ELOB: variants seen among roughly 807,000 people sequenced by gnomAD.
ELOB encodes the protein elongin-B.
Under a neutral mutation model 12.9 loss-of-function variants are expected in ELOB, and 3 were observed. The ratio of observed to expected loss-of-function variants is 0.23; its 90% confidence interval spans 0.11 to 0.60. The LOEUF is 0.60. ELOB is among the 20% of genes least tolerant of loss of function. The pLI is 0.89. For missense variants in ELOB, 126 were observed against 159.2 expected (o/e 0.79, Z 1.12); for synonymous variants, 84 against 67.4 (o/e 1.25, Z -1.21).
At position 2,771,982 on chromosome 16, in the gene ELOB, G is replaced by A. The variant is rs749340589; in HGVS notation, c.*8C>T. 1.3e-6 allele frequency: 2 copies of A among 1,544,484 alleles called. No individual in the cohort carries two copies. Among genetic ancestry groups the A allele is most frequent in the Admixed American group, 2.0e-5 (1 of 49,110 alleles). On this transcript the variant is annotated 3_prime_UTR_variant, in exon 4 of 4. Coordinates refer to ENST00000409906, the MANE Select transcript of ELOB (RefSeq NM_007108.4). The stretch of plus-strand genomic sequence containing the variant: ...TTTTATTGGGGGAAATGGGCCTCTT[G>A]GGGGTCCTCACTGCACGGCTTGTTC...
chr16:2,775,625 A>G (rs1399555086), intron 2 of ELOB, 69 bp from the exon 3 acceptor site: 1 of 1,286,350 alleles, frequency 7.8e-7, no homozygotes, highest in Admixed American at 2.0e-5. Flanking sequence ...CTGACCAGCA[A>G]CTACACGGGA....
chr16:2,775,297 C>G (rs1433039380), intron 3 of ELOB, among the ~76,000 whole-genome samples, 154 bp downstream of exon 3: 1 of 151,388 alleles, frequency 6.6e-6, no homozygotes, highest in East Asian at 1.9e-4. Flanking sequence ...AATGAGGAAA[C>G]AAACACATTG....
chr16:2,776,986 G>T lies in ELOB; in HGVS notation c.138+7C>A. The T allele has an allele frequency of 1.3e-6, 2 of 1,568,318 alleles. No individual in the cohort carries two copies. Among genetic ancestry groups the T allele is most frequent in the East Asian group, 2.3e-5 (1 of 42,578 alleles). On this transcript the variant is annotated splice_region_variant and intron_variant, in intron 2 of 3. Coordinates refer to ENST00000409906, the MANE Select transcript of ELOB (RefSeq NM_007108.4). ...CCCGCTCCCCTCGGCCCGCCCGCGG[G>T]ACCCACCTTGTACAGCCGCTGCTCG...
intron 2 of ELOB, 131 bp from the exon 3 acceptor site, chr16:2,775,687 C>T: frequency 3.3e-6 from 2 of 608,874 alleles, no homozygotes; most frequent in Non-Finnish European, 5.6e-6. Context: ...GACCACCACG[C>T]TGCTTGACAA....
chr16:2,773,008 C>T (rs1001265857), intron 3 of ELOB, among the ~76,000 whole-genome samples: 3 of 152,204 alleles, frequency 2.0e-5, no homozygotes, highest in Non-Finnish European at 2.9e-5. Context: ...GACATCCTGA[C>T]ACTCTGGGCG....
rs1394449862 is a variant in ELOB at position 2,771,592 on chromosome 16, G to C, written c.*398C>G. 6.2e-7 allele frequency: 1 copy of C among 1,614,066 alleles called. No individual in the cohort carries two copies. Among genetic ancestry groups the C allele is most frequent in the African/African-American group, 1.3e-5 (1 of 74,914 alleles). On this transcript the variant is annotated 3_prime_UTR_variant, in exon 4 of 4. Transcript: ENST00000409906. ...TTCTGCTCTTGGCCATCGTCTGGGA[G>C]TGGACATGCAGGCTATGGGGGTGGG...
At chr16:2,774,345 T>G (rs1431904103) in intron 3 of ELOB, among the ~76,000 whole-genome samples, 1 of 152,262 alleles carries the variant, frequency 6.6e-6, no homozygotes, top group Non-Finnish European at 1.5e-5. Context: ...AGAAAGGCTC[T>G]GAAGCTTCCC....
chr16:2,771,805 G>T lies in ELOB; in HGVS notation c.*185C>A. Reference sequence around the variant, plus strand: ...CATGGTGCCTTTAAGCAGCAGGCTGGGCCAAGTTCTCAGCCAGGGTCTCAG... The same window carrying T: ...CATGGTGCCTTTAAGCAGCAGGCTGTGCCAAGTTCTCAGCCAGGGTCTCAG... On this transcript the variant is annotated 3_prime_UTR_variant, in exon 4 of 4. Transcript: ENST00000409906. 6.9e-7 allele frequency: 1 copy of T among 1,452,266 alleles called. No individual in the cohort carries two copies. 90.0% of individuals were successfully genotyped at this position (1,452,266 alleles called of 1,614,324 possible). A position where few individuals can be genotyped will look rare whatever the true frequency, so the allele number is the denominator to read the frequency against.
At chr16:2,776,276 G>C (rs542995435) in intron 2 of ELOB, among the ~76,000 whole-genome samples, 1 of 152,290 alleles carries the variant, frequency 6.6e-6, no homozygotes, top group South Asian at 2.1e-4. Flanking sequence ...CATGGGAGCT[G>C]AGGCTCTGAG....
intron 2 of ELOB, 85 bp downstream of exon 2, chr16:2,776,908 A>C: frequency 6.9e-7 from 1 of 1,444,160 alleles, no homozygotes. Context: ...GCCGGCCGCT[A>C]CTGTTTACAT....
At chr16:2,773,368 G>A (rs1423938305) in intron 3 of ELOB, among the ~76,000 whole-genome samples, 1 of 152,164 alleles carries the variant, frequency 6.6e-6, no homozygotes, top group African/African-American at 2.4e-5. Context: ...ACTGTGCCGA[G>A]GTTCAGAAAC....
intron 3 of ELOB, among the ~76,000 whole-genome samples, chr16:2,774,629 C>G (rs1055021187): frequency 4.6e-5 from 7 of 152,270 alleles, no homozygotes; most frequent in African/African-American, 1.7e-4. Context: ...TTCCTTACAA[C>G]TTTATCCAAG....
At position 2,771,502 on chromosome 16, in the gene ELOB, G is replaced by A. The variant is rs376053410; in HGVS notation, c.*488C>T. 50 of 1,614,084 alleles carry A rather than the reference G, an allele frequency of 3.1e-5. 1 individual carries two copies. The South Asian group carries it at 3.4e-4, about 11-fold the overall frequency. Reference sequence around the variant, plus strand: ...GCCCCCAGCGTGGGTGGACCTGTGTGGGTCCGTCTTGGGGTTCCCTCGTTG... The same window carrying A: ...GCCCCCAGCGTGGGTGGACCTGTGTAGGTCCGTCTTGGGGTTCCCTCGTTG... On this transcript the variant is annotated 3_prime_UTR_variant, in exon 4 of 4. Coordinates refer to ENST00000409906, the MANE Select transcript of ELOB (RefSeq NM_007108.4).
rs1567257422 is a variant in ELOB, at chr16:2,775,606, CAA to C, written c.139-52_139-51del. 5 of 1,500,782 alleles carry C rather than the reference CAA, an allele frequency of 3.3e-6. No homozygotes were observed. In the Admixed American group the frequency reaches 8.9e-5, roughly 27 times the overall value. 93.0% of individuals were successfully genotyped at this position (1,500,782 alleles called of 1,614,324 possible). On this transcript the variant is annotated intron_variant, in intron 2 of 3. Transcript: ENST00000409906. ...GAGAGGCCCTACATGGGGCAAGTCC[CAA>C]AGACTTCTGACCAGCAACTACACGG...
chr16:2,776,751 T>C (rs923427588), intron 2 of ELOB, among the ~76,000 whole-genome samples: 2 of 152,130 alleles, frequency 1.3e-5, no homozygotes, highest in African/African-American at 4.8e-5. Context: ...GTTGCAGGGG[T>C]TGCATGCCAC....
At chr16:2,776,949 C>T (rs955921145) in intron 2 of ELOB, 44 bp downstream of exon 2, 19 of 1,530,380 alleles carry the variant, frequency 1.2e-5, no homozygotes, top group Admixed American at 2.0e-5. Context: ...GCCCCGTGCC[C>T]GGCGCCGGGT....
At chr16:2,772,362 C>T in intron 3 of ELOB, 1 of 297,098 alleles carries the variant, frequency 3.4e-6, no homozygotes, top group Admixed American at 4.8e-5. Context: ...TCCTCATCTT[C>T]CATGTCCACT....
At position 2,772,072 on chromosome 16, in the gene ELOB, G is replaced by A. The variant is rs968430621; in HGVS notation, c.275C>T (p.Pro92Leu). The A allele has an allele frequency of 1.2e-6, 2 of 1,612,576 alleles. No homozygotes were observed. The highest frequency in any genetic ancestry group is 2.2e-5 in the East Asian group (1 of 44,824). ...DDTFEALCIE[P>L]FSSPPELPDV... Reference sequence around the variant, plus strand: ...GGGCAGCTCTGGCGGGCTGGAAAACGGCTCGATGCACAGGGCCTCAAAGGT... The same window carrying A: ...GGGCAGCTCTGGCGGGCTGGAAAACAGCTCGATGCACAGGGCCTCAAAGGT... Residue 92 changes from proline to leucine, a missense_variant, in exon 4 of 4, where the codon CCG (proline) becomes CTG (leucine). Pro to Leu is a moderately conservative substitution (Grantham distance 98). Coordinates refer to ENST00000409906, the MANE Select transcript of ELOB (RefSeq NM_007108.4).
intron 2 of ELOB, among the ~76,000 whole-genome samples, chr16:2,775,908 C>T (rs947828406): frequency 2.0e-5 from 3 of 152,154 alleles, no homozygotes; most frequent in Non-Finnish European, 2.9e-5. Flanking sequence ...GACAGGGTCT[C>T]GCTATGTTGC....
Sources: gnomAD v4.1 joint callset for allele counts (sites outside exome capture counted in the v4.1 genomes callset) on GRCh38, gnomAD v4.1.1 for gene constraint, MANE v1.5 for transcripts, NCBI Gene and HGNC (gene_info 2026-07-23, HGNC 2026-07-21) for gene names.